CORIN: variants seen among roughly 807,000 people sequenced by gnomAD.
CORIN encodes the protein corin, serine peptidase, also known as atrial natriuretic peptide-converting enzyme.
In CORIN, 117 loss-of-function variants were observed where a neutral mutation model predicts 125.3. That is an observed-to-expected ratio of 0.93 (90% CI 0.80 to 1.09). The LOEUF (loss-of-function observed/expected upper bound fraction) is 1.09, where lower values mean the gene tolerates loss of function less well. CORIN is among the 50% of genes least tolerant of loss of function. The pLI is 0.00. For missense variants in CORIN, 1,253 were observed against 1,306.7 expected (o/e 0.96, Z 0.63); for synonymous variants, 450 against 466.4 (o/e 0.96, Z 0.45).
At chr4:47,762,894 C>T (rs1729532728) in intron 4 of CORIN, among the ~76,000 whole-genome samples, 2 of 152,118 alleles carry the variant, frequency 1.3e-5, no homozygotes, top group Admixed American at 1.3e-4. Flanking sequence ...GGTCATAGCA[C>T]CTGGCCTGTC....
Position 47,610,602 on chromosome 4 carries a change from C to A in CORIN, c.2541-6934G>T, listed in dbSNP as rs541289323. On this transcript the variant is annotated intron_variant, in intron 19 of 21. Transcript: ENST00000273857. ...CTGTGCAGAAACTGTTTAATTAGAT[C>A]CCATTTGTCAACTTTTCCTTTCGTT... 2.0e-5 allele frequency among the ~76,000 whole-genome samples: 3 copies of A among 152,204 alleles called. No homozygotes were observed. In the South Asian group the frequency reaches 6.2e-4, roughly 32 times the overall value.
At chr4:47,641,459 A>G (rs1560484873) in intron 16 of CORIN, among the ~76,000 whole-genome samples, 2 of 152,232 alleles carry the variant, frequency 1.3e-5, no homozygotes, top group Admixed American at 6.5e-5. Flanking sequence ...CATTCTACTA[A>G]GAAGCAAATA....
At chr4:47,827,038 G>T (rs999132056) in intron 1 of CORIN, among the ~76,000 whole-genome samples, 3 of 152,090 alleles carry the variant, frequency 2.0e-5, no homozygotes, top group African/African-American at 7.2e-5. Flanking sequence ...AAATTCATCT[G>T]TTTCTTTTTG....
chr4:47,768,231 C>T (rs976443402), intron 3 of CORIN, among the ~76,000 whole-genome samples: 2 of 152,144 alleles, frequency 1.3e-5, no homozygotes, highest in Non-Finnish European at 2.9e-5. Context: ...ACTCTCTTTT[C>T]GGACTCAGCC....
chr4:47,672,439 G>A (rs1237179079), intron 10 of CORIN, among the ~76,000 whole-genome samples: 2 of 152,104 alleles, frequency 1.3e-5, no homozygotes, highest in East Asian at 1.9e-4. Flanking sequence ...GAGTCTAATA[G>A]TAAGTGTCAT....
At chr4:47,606,673 T>TC in intron 19 of CORIN, among the ~76,000 whole-genome samples, 1 of 123,958 alleles carries the variant, frequency 8.1e-6, no homozygotes, top group East Asian at 6.8e-4. Flanking sequence ...CCTTCCTTTC[T>TC]TTTTCTTTCC....
intron 5 of CORIN, among the ~76,000 whole-genome samples, chr4:47,716,672 C>A (rs1237414946): frequency 6.6e-6 from 1 of 152,014 alleles, no homozygotes; most frequent in Non-Finnish European, 1.5e-5. Context: ...ATGACTTTTT[C>A]TACTTGTATA....
chr4:47,828,393 G>A (rs1326726145), intron 1 of CORIN, among the ~76,000 whole-genome samples: 1 of 152,164 alleles, frequency 6.6e-6, no homozygotes, highest in Non-Finnish European at 1.5e-5. Context: ...GGAGGAGAGA[G>A]GGCTAGACAT....
chr4:47,818,455 G>A (rs940765285), intron 1 of CORIN, among the ~76,000 whole-genome samples: 5 of 152,188 alleles, frequency 3.3e-5, no homozygotes, highest in African/African-American at 1.2e-4. Context: ...CAAGTTCTCA[G>A]AAAACAAATG....
chr4:47,660,577 G>A (rs964983613), intron 12 of CORIN, among the ~76,000 whole-genome samples: 3 of 152,148 alleles, frequency 2.0e-5, no homozygotes, highest in Non-Finnish European at 4.4e-5. Context: ...ATGAAAAGGT[G>A]CTCAACATCA....
At chr4:47,802,294 A>G (rs753163978) in intron 2 of CORIN, among the ~76,000 whole-genome samples, 2 of 152,132 alleles carry the variant, frequency 1.3e-5, no homozygotes, top group Non-Finnish European at 2.9e-5. Context: ...GGGGTAGGGC[A>G]CCAACCAGGC....
intron 17 of CORIN, among the ~76,000 whole-genome samples, chr4:47,626,117 T>G (rs1205044436): frequency 6.6e-6 from 1 of 152,198 alleles, no homozygotes; most frequent in African/African-American, 2.4e-5. Flanking sequence ...ACATGAGGGT[T>G]TATTTTGAAT....
At chr4:47,730,586 C>T (rs999798377) in intron 5 of CORIN, among the ~76,000 whole-genome samples, 1 of 152,080 alleles carries the variant, frequency 6.6e-6, no homozygotes, top group South Asian at 2.1e-4. Context: ...TTGCAGGCCT[C>T]TGCACCTGCC....
rs186927151 is a variant in CORIN, at chr4:47,678,733, C to T, written c.1133-679G>A. 9.1e-4 allele frequency among the ~76,000 whole-genome samples: 139 copies of T among 152,284 alleles called. 1 individual carries two copies. Among genetic ancestry groups the T allele is most frequent in the Admixed American group, 2.7e-3 (42 of 15,298 alleles). ...CTATACCTATTGTCTTTTAGAGTATCGGAAACCCATGGATCATGTGACCTC... is the reference window on the plus strand; with the variant it reads ...CTATACCTATTGTCTTTTAGAGTATTGGAAACCCATGGATCATGTGACCTC... On this transcript the variant is annotated intron_variant, in intron 8 of 21. Coordinates refer to ENST00000273857, the MANE Select transcript of CORIN (RefSeq NM_006587.4).
chr4:47,656,895 G>A (rs1035682627), intron 12 of CORIN, among the ~76,000 whole-genome samples: 24 of 152,198 alleles, frequency 1.6e-4, no homozygotes, highest in South Asian at 4.1e-4. Flanking sequence ...TAAAAACTCC[G>A]CCAAAAAGCT....
chr4:47,824,318 A>C (rs1471997874), intron 1 of CORIN, among the ~76,000 whole-genome samples: 1 of 151,848 alleles, frequency 6.6e-6, no homozygotes, highest in African/African-American at 2.4e-5. Context: ...CAGAAAAAAA[A>C]AAAAAAAAAT....
intron 16 of CORIN, among the ~76,000 whole-genome samples, chr4:47,639,851 C>T (rs1443058840): frequency 6.6e-6 from 1 of 152,194 alleles, no homozygotes; most frequent in Non-Finnish European, 1.5e-5. Flanking sequence ...TTGACCATTA[C>T]CATCATTCCC....
At chr4:47,648,996 C>A (rs1205460660) in intron 13 of CORIN, among the ~76,000 whole-genome samples, 2 of 152,206 alleles carry the variant, frequency 1.3e-5, no homozygotes, top group Non-Finnish European at 2.9e-5. Flanking sequence ...GCCTCTGCAC[C>A]TGCTATAGCA....
In CORIN at chr4:47,792,285, A is replaced by G. The variant is rs148429254; in HGVS notation, c.209-5360T>C. 7.0e-3 allele frequency among the ~76,000 whole-genome samples: 1,059 copies of G among 152,346 alleles called. 6 individuals are homozygous for G. The highest frequency in any genetic ancestry group is 0.012 in the Non-Finnish European group (789 of 68,024). ...AAAGGGAAGAGACACCAGACAGGAT[A>G]GGTCTTGTACAAGGCTTGGAATTTA... On this transcript the variant is annotated intron_variant, in intron 2 of 21. Transcript: ENST00000273857.
Sources: gnomAD v4.1 joint callset for allele counts (sites outside exome capture counted in the v4.1 genomes callset) on GRCh38, gnomAD v4.1.1 for gene constraint, MANE v1.5 for transcripts, NCBI Gene and HGNC (gene_info 2026-07-23, HGNC 2026-07-21) for gene names.